PXDN: variants seen among roughly 807,000 people sequenced by gnomAD.
PXDN encodes the protein peroxidasin homolog.
A neutral mutation model predicts 140.3 loss-of-function variants in PXDN; 77 were observed. The ratio of observed to expected loss-of-function variants is 0.55; its 90% CI spans 0.46 to 0.66. The LOEUF (loss-of-function observed/expected upper bound fraction) is 0.66, where lower values mean the gene tolerates loss of function less well. Among genes scored for constraint, PXDN ranks in the 30% least tolerant of loss-of-function variants. The pLI, the probability that PXDN is intolerant of heterozygous loss-of-function variation, is 0.00. For missense variants in PXDN, 1,838 were observed against 2,039.5 expected, an observed-to-expected ratio of 0.90 and a Z score of 1.90; for synonymous variants, 911 against 857.4, an observed-to-expected ratio of 1.06 and a Z score of -1.09.
At chr2:1,709,031 G>A (rs1289486567) in intron 1 of PXDN, among the ~76,000 whole-genome samples, 2 of 152,300 alleles carry the variant, frequency 1.3e-5, no homozygotes, top group South Asian at 2.1e-4. Flanking sequence ...AGTTCACCGC[G>A]GGAGGGAGCT....
chr2:1,718,865 C>T (rs567079433), intron 1 of PXDN, among the ~76,000 whole-genome samples: 147 of 152,346 alleles, frequency 9.6e-4, no homozygotes, highest in African/African-American at 2.5e-3. Context: ...CAAGGCAGAG[C>T]GGGCAGCTCC....
chr2:1,655,164 C>T (rs1304627221), intron 14 of PXDN, among the ~76,000 whole-genome samples: 1 of 151,790 alleles, frequency 6.6e-6, no homozygotes, highest in Non-Finnish European at 1.5e-5. Context: ...ACCACACATG[C>T]ACCACACACA....
chr2:1,669,360 A>C (rs1204398788), intron 9 of PXDN, among the ~76,000 whole-genome samples: 1 of 152,204 alleles, frequency 6.6e-6, no homozygotes, highest in East Asian at 1.9e-4. Context: ...TGTCGGGCTT[A>C]AAACCTAGAT....
intron 19 of PXDN, among the ~76,000 whole-genome samples, chr2:1,642,444 C>T (rs1682750244): frequency 6.6e-6 from 1 of 152,198 alleles, no homozygotes. Context: ...TCTTAAACTA[C>T]CAAGTGTCCA....
chr2:1,660,704 G>A lies in PXDN; in HGVS notation c.1837+177C>T, dbSNP rs1036070787. 6.6e-6 allele frequency among the ~76,000 whole-genome samples: 1 copy of A among 152,154 alleles called. No homozygotes were observed. Among genetic ancestry groups the A allele is most frequent in the Non-Finnish European group, 1.5e-5 (1 of 68,018 alleles). ...CTCCAGGTGCCTGTGTGGAGGGGAG[G>A]GGCTGTCGAGCAGCCCGGCCATGCA... On this transcript the variant is annotated intron_variant, in intron 14 of 22. Transcript: ENST00000252804. This position sits in a 1 kb window ranked among gnomAD's most constrained non-coding sequence, Gnocchi z 4.6.
At chr2:1,644,946 A>G (rs756936772) in intron 17 of PXDN, among the ~76,000 whole-genome samples, 194 bp from the exon 18 acceptor site, 2 of 152,190 alleles carry the variant, frequency 1.3e-5, no homozygotes, top group South Asian at 2.1e-4. Context: ...TTTCTATTAT[A>G]TATGTGAGAC....
rs11450893 is a variant in PXDN, at chr2:1,738,552, C to CTT, written c.200+5702_200+5703dup. 2.3e-3 allele frequency among the ~76,000 whole-genome samples: 337 copies of CTT among 147,698 alleles called. 2 individuals carry two copies. The highest frequency in any genetic ancestry group is 4.5e-3 in the African/African-American group (181 of 40,270). On this transcript the variant is annotated intron_variant, in intron 1 of 22. Transcript: ENST00000252804. ...AGCATAATGCAAGTTGATCTTCAAA[C>CTT]TTTTTTTTTTTTTTGAGACTAGGTC...
chr2:1,726,058 C>T (rs1055973860), intron 1 of PXDN, among the ~76,000 whole-genome samples: 2 of 151,716 alleles, frequency 1.3e-5, no homozygotes, highest in African/African-American at 2.4e-5. Context: ...TACCATTTGA[C>T]CCAGCCATCC....
intron 14 of PXDN, among the ~76,000 whole-genome samples, chr2:1,657,358 T>C (rs1229321291): frequency 6.8e-6 from 1 of 147,092 alleles, no homozygotes. Context: ...AGCCCCAACC[T>C]GACTGAAACC....
chr2:1,744,853 T>C (rs539357269), upstream of PXDN: 1 of 171,330 alleles, frequency 5.8e-6, no homozygotes, highest in East Asian at 1.6e-4. Context: ...GGCGCCTTAA[T>C]GTTTGTAACA....
intron 3 of PXDN, among the ~76,000 whole-genome samples, chr2:1,688,633 T>G (rs555515388): frequency 6.6e-6 from 1 of 152,296 alleles, no homozygotes; most frequent in East Asian, 1.9e-4. Flanking sequence ...TCTGTGTCTG[T>G]GCCCAGACAT....
At chr2:1,735,183 G>A (rs905761198) in intron 1 of PXDN, among the ~76,000 whole-genome samples, 4 of 152,180 alleles carry the variant, frequency 2.6e-5, no homozygotes, top group East Asian at 3.9e-4. Context: ...CTTTCTCCAC[G>A]AAGTCTCTGA....
intron 1 of PXDN, among the ~76,000 whole-genome samples, chr2:1,728,434 C>A (rs1310337773): frequency 1.3e-5 from 2 of 152,202 alleles, no homozygotes; most frequent in African/African-American, 4.8e-5. Flanking sequence ...TGTGACTTCA[C>A]CTCGAAAATC....
At chr2:1,686,906 C>G (rs1684072903) in intron 4 of PXDN, among the ~76,000 whole-genome samples, 1 of 152,242 alleles carries the variant, frequency 6.6e-6, no homozygotes, top group Non-Finnish European at 1.5e-5. Context: ...CAAACAGCTG[C>G]TTTCATCCAC....
intron 14 of PXDN, among the ~76,000 whole-genome samples, chr2:1,655,145 C>T (rs1488714336): frequency 6.8e-6 from 1 of 147,384 alleles, no homozygotes; most frequent in South Asian, 2.2e-4. Flanking sequence ...ACGCCACACA[C>T]AGATCCACAC....
At chr2:1,658,991 A>G (rs1307019816) in intron 14 of PXDN, among the ~76,000 whole-genome samples, 2 of 151,866 alleles carry the variant, frequency 1.3e-5, no homozygotes, top group Non-Finnish European at 2.9e-5. Context: ...TCATCTCTCC[A>G]CCAGGATCTA....
At chr2:1,691,081 G>C (rs1321325397) in intron 3 of PXDN, among the ~76,000 whole-genome samples, 2 of 151,986 alleles carry the variant, frequency 1.3e-5, no homozygotes, top group African/African-American at 2.4e-5. Context: ...GTTCTGCACA[G>C]GTATCCCAGA....
intron 22 of PXDN, 66 bp downstream of exon 22, chr2:1,635,342 T>G: frequency 1.5e-6 from 2 of 1,375,934 alleles, no homozygotes; most frequent in Non-Finnish European, 2.0e-6. Context: ...CCCACCTGAG[T>G]GGTCACATGG....
intron 1 of PXDN, among the ~76,000 whole-genome samples, chr2:1,722,266 G>A (rs934029427): frequency 3.9e-5 from 6 of 152,240 alleles, no homozygotes; most frequent in South Asian, 2.1e-4. Flanking sequence ...AGGTTATTCC[G>A]GTCAGCAGCC....
Sources: allele counts gnomAD v4.1 joint callset (sites outside exome capture counted in the v4.1 genomes callset), GRCh38; gene constraint gnomAD v4.1.1; non-coding constraint Gnocchi (gnomAD v3.1); transcripts MANE v1.5; gene names NCBI Gene and HGNC (gene_info 2026-07-23, HGNC 2026-07-21).